EVI5: variants seen among roughly 807,000 people sequenced by gnomAD.
The protein encoded by EVI5 is ecotropic viral integration site 5.
Under a neutral mutation model 112.0 loss-of-function variants are expected in EVI5, and 73 were observed. The ratio of observed to expected loss-of-function variants is 0.65; its 90% CI spans 0.54 to 0.79. The LOEUF is 0.79. EVI5 is among the 30% of genes least tolerant of loss of function. The pLI, the probability that EVI5 is intolerant of heterozygous loss-of-function variation, is 0.00. For missense variants in EVI5, 900 were observed against 968.8 expected, an observed-to-expected ratio of 0.93 and a Z score of 0.94; for synonymous variants, 305 against 319.9, an observed-to-expected ratio of 0.95 and a Z score of 0.50.
intron 18 of EVI5, among the ~76,000 whole-genome samples, chr1:92,576,092 T>G (rs902628489): frequency 6.6e-6 from 1 of 152,088 alleles, no homozygotes; most frequent in Non-Finnish European, 1.5e-5. Flanking sequence ...ATAGAAGACA[T>G]GGGCACTAAA....
In EVI5 at chr1:92,720,915, G is replaced by A. The variant is rs1015780789; in HGVS notation, c.149+15483C>T. Among the ~76,000 whole-genome samples the A allele has an allele frequency of 5.9e-5, 9 of 152,200 alleles. 1 individual carries two copies. The highest frequency in any genetic ancestry group is 3.9e-4 in the Admixed American group (6 of 15,300). The stretch of plus-strand genomic sequence containing the variant: ...GAAGACATTTATGCAGCATACAAAT[G>A]AAAAAATGCTCATCATCACTGGTCA... On this transcript the variant is annotated intron_variant, in intron 2 of 19. Transcript: ENST00000684568.
intron 1 of EVI5, among the ~76,000 whole-genome samples, chr1:92,748,811 A>G (rs1423097586): frequency 6.6e-6 from 1 of 152,188 alleles, no homozygotes; most frequent in African/African-American, 2.4e-5. Context: ...TCATGGTTGT[A>G]ATCCCAGCAC....
chr1:92,746,951 T>G (rs1251147429), intron 1 of EVI5, among the ~76,000 whole-genome samples: 1 of 151,480 alleles, frequency 6.6e-6, no homozygotes, highest in African/African-American at 2.4e-5. Context: ...AACAACCATA[T>G]ATTATTATAT....
intron 18 of EVI5, among the ~76,000 whole-genome samples, chr1:92,576,592 A>C (rs1671122188): frequency 6.6e-6 from 1 of 152,202 alleles, no homozygotes; most frequent in Non-Finnish European, 1.5e-5. Context: ...TAGGCAAGTA[A>C]CTGAATAATT....
At chr1:92,632,574 CTTT>C (rs1199891560) in intron 14 of EVI5, among the ~76,000 whole-genome samples, 1 of 151,938 alleles carries the variant, frequency 6.6e-6, no homozygotes, top group Non-Finnish European at 1.5e-5. Flanking sequence ...CTCTTTTCTT[CTTT>C]ATTAGTCTTG....
intron 19 of EVI5, among the ~76,000 whole-genome samples, chr1:92,554,665 G>A (rs547247928): frequency 2.0e-5 from 3 of 152,122 alleles, no homozygotes; most frequent in Admixed American, 6.6e-5. Flanking sequence ...CTCATTTAAA[G>A]AAGTCATTAA....
At chr1:92,758,559 G>A (rs1681314118) in intron 1 of EVI5, among the ~76,000 whole-genome samples, 4 of 110,256 alleles carry the variant, frequency 3.6e-5, no homozygotes, top group African/African-American at 1.1e-4. Flanking sequence ...GACAGGGCAA[G>A]ACCCTGTCTC....
chr1:92,677,021 T>C, intron 10 of EVI5, 137 bp downstream of exon 10: 1 of 606,698 alleles, frequency 1.6e-6, no homozygotes. Context: ...TCTGCTTTTT[T>C]GAAATGTCTA....
intron 9 of EVI5, among the ~76,000 whole-genome samples, chr1:92,690,820 T>C (rs1474767553): frequency 3.9e-5 from 6 of 152,228 alleles, no homozygotes; most frequent in African/African-American, 1.2e-4. Context: ...TCACCAATCA[T>C]GGCATCTCTA....
rs913589980 is a variant in EVI5 at position 92,541,116 on chromosome 1, C to T, written c.2166+22526G>A. 1.3e-4 allele frequency among the ~76,000 whole-genome samples: 20 copies of T among 152,084 alleles called. 2 individuals carry two copies. Among genetic ancestry groups the T allele is most frequent in the Admixed American group, 1.2e-3 (19 of 15,258 alleles). On this transcript the variant is annotated intron_variant, in intron 19 of 19. Coordinates refer to ENST00000684568, the MANE Select transcript of EVI5 (RefSeq NM_001350197.2). Reference sequence around the variant, plus strand: ...ATAAACAAAAAAGCAGAAGCTTAATCTATAAAGTCAACCACTCTCACTTTT... The same window carrying T: ...ATAAACAAAAAAGCAGAAGCTTAATTTATAAAGTCAACCACTCTCACTTTT...
chr1:92,578,249 AC>A (rs1328549403), intron 18 of EVI5, among the ~76,000 whole-genome samples: 6 of 152,126 alleles, frequency 3.9e-5, no homozygotes, highest in Admixed American at 3.9e-4. Context: ...TAGAACTATT[AC>A]CCCCATATGG....
intron 15 of EVI5, among the ~76,000 whole-genome samples, chr1:92,625,457 TAACC>T (rs139441463): frequency 0.021 from 3,128 of 152,296 alleles, 116 homozygotes; most frequent in African/African-American, 0.071. Context: ...TGTTTCACAC[TAACC>T]AACAATGGAC....
Position 92,550,644 on chromosome 1 carries a change from G to A in EVI5, c.2166+12998C>T, listed in dbSNP as rs1335544948. Among the ~76,000 whole-genome samples the A allele has an allele frequency of 1.6e-4, 23 of 145,714 alleles. 1 individual carries two copies. Among genetic ancestry groups the A allele is most frequent in the Admixed American group, 1.3e-3 (19 of 14,488 alleles). On this transcript the variant is annotated intron_variant, in intron 19 of 19. Coordinates refer to ENST00000684568, the MANE Select transcript of EVI5 (RefSeq NM_001350197.2). ...CGCCTGTAGTCCCAGCTACTTGGGA[G>A]GCTGAGGCAGGGGAATGGTGTGAAC...
At chr1:92,609,308 G>C (rs1017566968) in intron 16 of EVI5, among the ~76,000 whole-genome samples, 1 of 152,284 alleles carries the variant, frequency 6.6e-6, no homozygotes, top group East Asian at 1.9e-4. Flanking sequence ...TTAGATTATG[G>C]GCGAAAAGTT....
rs1280992334 is a variant in EVI5 at position 92,702,219 on chromosome 1, A to C, written c.565-4T>G. The C allele has an allele frequency of 2.7e-6, 4 of 1,482,366 alleles. No individual in the cohort carries two copies. The highest frequency in any genetic ancestry group is 3.6e-6 in the Non-Finnish European group (4 of 1,105,438). 91.8% of individuals were successfully genotyped at this position (1,482,366 alleles called of 1,614,324 possible). Reference sequence around the variant, plus strand: ...CACGATCTACTAAAGAGTAAGCCTAAAAAGTAAAAAAAAGTTGTTCAAAAT... The same window carrying C: ...CACGATCTACTAAAGAGTAAGCCTACAAAGTAAAAAAAAGTTGTTCAAAAT... On this transcript the variant is annotated splice_region_variant and splice_polypyrimidine_tract_variant and intron_variant, in intron 4 of 19. Transcript: ENST00000684568.
At chr1:92,636,399 C>T (rs907217800) in intron 13 of EVI5, 63 bp from the exon 14 acceptor site, 9 of 1,366,670 alleles carry the variant, frequency 6.6e-6, no homozygotes, top group African/African-American at 2.9e-5. Flanking sequence ...ACAATAAAAA[C>T]AATGCAACCA....
chr1:92,713,742 AC>A (rs1673189850), intron 2 of EVI5, among the ~76,000 whole-genome samples: 1 of 152,098 alleles, frequency 6.6e-6, no homozygotes, highest in Admixed American at 6.5e-5. Context: ...GCACCACTGC[AC>A]TCCAGCCTGG....
intron 10 of EVI5, among the ~76,000 whole-genome samples, chr1:92,667,678 C>A (rs185044586): frequency 6.6e-6 from 1 of 152,148 alleles, no homozygotes; most frequent in South Asian, 2.1e-4. Flanking sequence ...TGCAGTGGTG[C>A]GATCTCAGCT....
intron 13 of EVI5, among the ~76,000 whole-genome samples, chr1:92,662,000 G>A (rs1219295085): frequency 2.0e-5 from 3 of 151,916 alleles, no homozygotes; most frequent in African/African-American, 7.3e-5. Flanking sequence ...GATTAAGATC[G>A]CCCTTGTCTG....
Sources: allele counts gnomAD v4.1 joint callset (sites outside exome capture counted in the v4.1 genomes callset), GRCh38; gene constraint gnomAD v4.1.1; transcripts MANE v1.5; gene names NCBI Gene and HGNC (gene_info 2026-07-23, HGNC 2026-07-21).